DCC: variants seen among roughly 807,000 people sequenced by gnomAD.
DCC encodes netrin receptor DCC.
A neutral mutation model predicts 172.5 loss-of-function variants in DCC; 58 were observed. The ratio of observed to expected loss-of-function variants is 0.34; its 90% CI spans 0.27 to 0.42. DCC has a LOEUF of 0.42. DCC is among the 10% of genes least tolerant of loss of function. The probability of loss-of-function intolerance (pLI) is 1.00; values close to 1 mark genes in which losing one functional copy is unlikely to be tolerated. For synonymous variants in DCC, 709 were observed against 644.5 expected, an observed-to-expected ratio of 1.10 and a Z score of -1.52; for missense variants, 1,740 against 1,791.0, an observed-to-expected ratio of 0.97 and a Z score of 0.51.
rs183337862 is a variant in DCC at position 53,110,174 on chromosome 18, A to T, written c.1261+44008A>T. Among the ~76,000 whole-genome samples, 41 of 151,786 alleles carry T rather than the reference A, an allele frequency of 2.7e-4. No individual in the cohort carries two copies. The East Asian group carries it at 7.8e-3, about 29-fold the overall frequency. On this transcript the variant is annotated intron_variant, in intron 7 of 28. Coordinates refer to ENST00000442544, the MANE Select transcript of DCC (RefSeq NM_005215.4). ...TAGAAACGAAATATTTAAATGATTA[A>T]AAAGTAATTCTGGAATAAAGTGAGA...
chr18:52,938,894 AT>A (rs933866515), intron 5 of DCC, among the ~76,000 whole-genome samples: 3 of 151,820 alleles, frequency 2.0e-5, no homozygotes, highest in Admixed American at 6.6e-5. Context: ...GCTCTTATTC[AT>A]AACCTGGACC....
At chr18:52,421,966 G>A (rs904484051) in intron 1 of DCC, among the ~76,000 whole-genome samples, 31 of 152,182 alleles carry the variant, frequency 2.0e-4, no homozygotes, top group Admixed American at 5.2e-4. Context: ...AGAGCCATGC[G>A]TTTCAGACCT....
intron 5 of DCC, among the ~76,000 whole-genome samples, chr18:53,036,036 C>A (rs1344351751): frequency 6.6e-6 from 1 of 152,028 alleles, no homozygotes; most frequent in Non-Finnish European, 1.5e-5. Flanking sequence ...AGGGAATACA[C>A]ATTTCGAGGG....
At chr18:52,761,294 T>G (rs1266177570) in intron 2 of DCC, among the ~76,000 whole-genome samples, 1 of 152,180 alleles carries the variant, frequency 6.6e-6, no homozygotes, top group Non-Finnish European at 1.5e-5. Flanking sequence ...CCTCCATGAT[T>G]CAATTACCTC....
intron 1 of DCC, among the ~76,000 whole-genome samples, chr18:52,710,795 C>A (rs4147520): frequency 0.96 from 146,272 of 152,332 alleles, 70,516 homozygotes; most frequent in East Asian, 1. Context: ...TATAAAGAAC[C>A]GGCCAAAAGT....
intron 9 of DCC, among the ~76,000 whole-genome samples, chr18:53,203,371 T>G (rs2055574713): frequency 6.6e-6 from 1 of 152,068 alleles, no homozygotes; most frequent in Admixed American, 6.6e-5. Flanking sequence ...TTTCCTTTGG[T>G]TTTAAATTAT....
intron 5 of DCC, among the ~76,000 whole-genome samples, chr18:53,004,176 G>T (rs1262590179): frequency 6.6e-6 from 1 of 152,162 alleles, no homozygotes; most frequent in African/African-American, 2.4e-5. Context: ...ATGGTTTAGG[G>T]AGTCTGTGAA....
intron 27 of DCC, among the ~76,000 whole-genome samples, chr18:53,516,982 T>TAAAG (rs1400440618): frequency 4.1e-5 from 6 of 145,670 alleles, no homozygotes; most frequent in Non-Finnish European, 8.9e-5. Flanking sequence ...CATGCTGCTA[T>TAAAG]AAAGACACAT....
intron 3 of DCC, among the ~76,000 whole-genome samples, chr18:52,920,840 A>G (rs1333001736): frequency 1.3e-5 from 2 of 152,174 alleles, no homozygotes; most frequent in Non-Finnish European, 2.9e-5. Context: ...TTACCCAGCA[A>G]TAAAAATAAG....
chr18:52,366,503 T>A (rs1287331082), intron 1 of DCC, among the ~76,000 whole-genome samples: 3 of 152,052 alleles, frequency 2.0e-5, no homozygotes. Flanking sequence ...CTGAGCTAGA[T>A]ACAAAGGTTC....
At chr18:52,643,566 C>A (rs1246213501) in intron 1 of DCC, among the ~76,000 whole-genome samples, 1 of 152,150 alleles carries the variant, frequency 6.6e-6, no homozygotes, top group Non-Finnish European at 1.5e-5. Context: ...CCCAAGCTCC[C>A]AATCCCCCTA....
intron 12 of DCC, among the ~76,000 whole-genome samples, chr18:53,221,158 T>A (rs2055927054): frequency 6.6e-6 from 1 of 151,162 alleles, no homozygotes; most frequent in South Asian, 2.1e-4. Context: ...CATTTTTTAA[T>A]TTAATTTAAT....
intron 5 of DCC, among the ~76,000 whole-genome samples, chr18:52,990,579 T>C (rs2041373373): frequency 6.6e-6 from 1 of 150,914 alleles, no homozygotes. Flanking sequence ...AAAGCTCCTT[T>C]TTTGCCACAA....
chr18:53,515,960 A>T (rs901736825), intron 27 of DCC, among the ~76,000 whole-genome samples: 2 of 151,778 alleles, frequency 1.3e-5, no homozygotes, highest in African/African-American at 4.9e-5. Flanking sequence ...TTTAAAGTTC[A>T]TATGGAACCA....
At chr18:52,905,500 T>C (rs2039868330) in intron 2 of DCC, among the ~76,000 whole-genome samples, 1 of 152,198 alleles carries the variant, frequency 6.6e-6, no homozygotes, top group African/African-American at 2.4e-5. Context: ...CAGTAAACCC[T>C]AAAAGACAAT....
chr18:52,985,036 A>C (rs2041270360), intron 5 of DCC, among the ~76,000 whole-genome samples: 1 of 152,082 alleles, frequency 6.6e-6, no homozygotes, highest in Non-Finnish European at 1.5e-5. Flanking sequence ...TTAAAGTGAA[A>C]ATACATTTTT....
intron 7 of DCC, among the ~76,000 whole-genome samples, chr18:53,137,768 TTAA>T (rs1042340588): frequency 5.9e-5 from 9 of 152,098 alleles, no homozygotes; most frequent in Admixed American, 2.6e-4. Flanking sequence ...ATACATATAC[TTAA>T]TAATTTTAGC....
chr18:52,966,806 C>T (rs988535388), intron 5 of DCC, among the ~76,000 whole-genome samples: 1 of 152,184 alleles, frequency 6.6e-6, no homozygotes, highest in Non-Finnish European at 1.5e-5. Flanking sequence ...ATCCCTTAAT[C>T]CAGCCCACTC....
chr18:53,148,401 C>T (rs923530975), intron 7 of DCC, among the ~76,000 whole-genome samples: 2 of 152,100 alleles, frequency 1.3e-5, no homozygotes, highest in Non-Finnish European at 2.9e-5. Context: ...TGAAATGGCA[C>T]GTTTGGGGTC....
Sources: allele counts gnomAD v4.1 joint callset (sites outside exome capture counted in the v4.1 genomes callset), GRCh38; gene constraint gnomAD v4.1.1; transcripts MANE v1.5; gene names NCBI Gene and HGNC (gene_info 2026-07-23, HGNC 2026-07-21).